The following FHIT variants were observed in gnomAD, a reference collection of about 807,000 sequenced individuals.
The protein encoded by FHIT is fragile histidine triad diadenosine triphosphatase.
FHIT carries 19 observed loss-of-function variants against 17.9 expected under a neutral mutation model. The ratio of observed to expected loss-of-function variants is 1.06; its 90% CI spans 0.74 to 1.56. The LOEUF is 1.56. Ranked by LOEUF, FHIT falls within the 40% of genes most tolerant of loss-of-function variation. The pLI is 0.00. For missense variants in FHIT, 248 were observed against 189.2 expected (o/e 1.31, Z -1.82); for synonymous variants, 81 against 69.7 (o/e 1.16, Z -0.81).
At chr3:60,161,293 C>T (rs1466053503) in intron 5 of FHIT, among the ~76,000 whole-genome samples, 4 of 152,314 alleles carry the variant, frequency 2.6e-5, no homozygotes, top group East Asian at 1.9e-4. Flanking sequence ...ATGGGCATCA[C>T]GAAGCTTGTA....
intron 7 of FHIT, among the ~76,000 whole-genome samples, chr3:59,962,656 G>C (rs768118200): frequency 1.6e-4 from 25 of 152,298 alleles, no homozygotes; most frequent in South Asian, 8.3e-4. Context: ...CCATTGTTAA[G>C]GAGATATTTA....
At chr3:60,341,124 A>C (rs994689780) in intron 5 of FHIT, among the ~76,000 whole-genome samples, 1 of 152,088 alleles carries the variant, frequency 6.6e-6, no homozygotes, top group Admixed American at 6.6e-5. Flanking sequence ...GTATTCACGG[A>C]TTTTGTTATA....
At chr3:60,615,656 T>C (rs7642882) in intron 4 of FHIT, among the ~76,000 whole-genome samples, 57,088 of 151,700 alleles carry the variant, frequency 0.38, 11,133 homozygotes, top group Non-Finnish European at 0.42. Flanking sequence ...CTACTATGTG[T>C]ACAACCCTCT....
chr3:61,219,021 T>C (rs1200828625), intron 1 of FHIT, among the ~76,000 whole-genome samples: 1 of 152,210 alleles, frequency 6.6e-6, no homozygotes, highest in African/African-American at 2.4e-5. Context: ...CTAGAAAGTG[T>C]AGCCCACTAT....
At chr3:60,790,056 G>T (rs1347565482) in intron 4 of FHIT, among the ~76,000 whole-genome samples, 1 of 152,158 alleles carries the variant, frequency 6.6e-6, no homozygotes. Context: ...TAATACTCTG[G>T]CTTTGAAATT....
chr3:61,055,995 A>G (rs986672486), intron 2 of FHIT, among the ~76,000 whole-genome samples: 4 of 152,230 alleles, frequency 2.6e-5, no homozygotes, highest in Admixed American at 2.6e-4. Flanking sequence ...TCTTTTAGTT[A>G]TTATCCTAAA....
intron 5 of FHIT, among the ~76,000 whole-genome samples, chr3:60,079,329 G>C (rs964874005): frequency 1.3e-5 from 2 of 152,152 alleles, no homozygotes; most frequent in Non-Finnish European, 2.9e-5. Flanking sequence ...TTTCTAAAAT[G>C]TGTTTCTACA....
At chr3:60,309,383 C>A (rs1415190627) in intron 5 of FHIT, among the ~76,000 whole-genome samples, 1 of 151,988 alleles carries the variant, frequency 6.6e-6, no homozygotes, top group South Asian at 2.1e-4. Flanking sequence ...AAACCTCAAA[C>A]CAGTGGTCCA....
chr3:60,430,769 G>A (rs983205409), intron 5 of FHIT, among the ~76,000 whole-genome samples: 2 of 152,006 alleles, frequency 1.3e-5, no homozygotes, highest in African/African-American at 4.8e-5. Flanking sequence ...TCTATGTAAG[G>A]TTCGATGTAC....
chr3:60,114,967 T>C (rs1704888787), intron 5 of FHIT, among the ~76,000 whole-genome samples: 1 of 152,150 alleles, frequency 6.6e-6, no homozygotes, highest in Admixed American at 6.5e-5. Context: ...AAAGAGCTCT[T>C]CAACAAACAA....
chr3:60,777,075 G>A (rs1367301261), intron 4 of FHIT, among the ~76,000 whole-genome samples: 6 of 152,118 alleles, frequency 3.9e-5, no homozygotes, highest in Non-Finnish European at 5.9e-5. Context: ...AAAGGTTTTC[G>A]CTTCTTCAAA....
At chr3:60,861,173 C>CTATGATATA (rs1227815223) in intron 3 of FHIT, among the ~76,000 whole-genome samples, 153 of 1,180 alleles carry the variant, frequency 0.13, 44 homozygotes, top group Non-Finnish European at 0.31. Context: ...ATCATATGTT[C>CTATGATATA]TATGATATAT....
intron 8 of FHIT, among the ~76,000 whole-genome samples, chr3:59,863,067 T>C (rs566917544): frequency 4.9e-4 from 75 of 152,302 alleles, no homozygotes; most frequent in African/African-American, 1.6e-3. Flanking sequence ...AGAGGAATAG[T>C]CCTATCCGAG....
intron 5 of FHIT, among the ~76,000 whole-genome samples, chr3:60,336,324 C>T (rs1188730362): frequency 6.6e-6 from 1 of 152,208 alleles, no homozygotes; most frequent in Non-Finnish European, 1.5e-5. Context: ...AAGGAAGTCT[C>T]AGACAGGTGA....
At chr3:60,944,172 G>A (rs1244341776) in intron 3 of FHIT, among the ~76,000 whole-genome samples, 2 of 152,212 alleles carry the variant, frequency 1.3e-5, no homozygotes, top group Non-Finnish European at 2.9e-5. Flanking sequence ...CTACAGCTCA[G>A]TGTTTCTCAA....
intron 2 of FHIT, among the ~76,000 whole-genome samples, chr3:61,164,402 G>C (rs771491290): frequency 2.6e-5 from 4 of 152,178 alleles, no homozygotes; most frequent in Non-Finnish European, 4.4e-5. Flanking sequence ...CTCTGGAAGA[G>C]GGACCAGCCA....
intron 3 of FHIT, among the ~76,000 whole-genome samples, chr3:60,996,806 CACT>C (rs2030708323): frequency 6.6e-6 from 1 of 152,112 alleles, no homozygotes; most frequent in Non-Finnish European, 1.5e-5. Context: ...TTTCACACAC[CACT>C]ATGCCTGAAA....
intron 4 of FHIT, among the ~76,000 whole-genome samples, chr3:60,760,226 TG>T (rs1699597839): frequency 2.0e-5 from 3 of 152,078 alleles, no homozygotes; most frequent in Non-Finnish European, 4.4e-5. Flanking sequence ...GGAAGCCAAG[TG>T]TTTTTGTAGG....
At chr3:59,759,285 G>T (rs112614422) in intron 8 of FHIT, among the ~76,000 whole-genome samples, 1 of 152,074 alleles carries the variant, frequency 6.6e-6, no homozygotes, top group African/African-American at 2.4e-5. Flanking sequence ...GAGAAGATAG[G>T]CAAGGAAGTA....
Sources: gnomAD v4.1 joint callset for allele counts (sites outside exome capture counted in the v4.1 genomes callset) on GRCh38, gnomAD v4.1.1 for gene constraint, MANE v1.5 for transcripts, NCBI Gene and HGNC (gene_info 2026-07-23, HGNC 2026-07-21) for gene names.